Variants in CTTN observed in about 807,000 individuals in gnomAD.
CTTN encodes cortactin.
A neutral mutation model predicts 84.0 loss-of-function variants in CTTN; 28 were observed. The observed-to-expected ratio is 0.33, with a 90% CI of 0.25 to 0.46. The LOEUF (loss-of-function observed/expected upper bound fraction) is 0.46, where lower values mean the gene tolerates loss of function less well. CTTN is among the 20% of genes least tolerant of loss of function. CTTN has a pLI of 1.00. For synonymous variants in CTTN, 301 were observed against 288.8 expected, an observed-to-expected ratio of 1.04 and a Z score of -0.43; for missense variants, 641 against 723.8, an observed-to-expected ratio of 0.89 and a Z score of 1.31.
intron 16 of CTTN, 32 bp from the exon 17 acceptor site, chr11:70,433,610 CTTTGT>C: frequency 6.8e-7 from 1 of 1,468,706 alleles, no homozygotes; most frequent in African/African-American, 1.4e-5. Flanking sequence ...CTGTGTGGGA[CTTTGT>C]ATTGTTCAGC....
chr11:70,420,897 G>A (rs2058228650), intron 10 of CTTN, among the ~76,000 whole-genome samples: 1 of 152,220 alleles, frequency 6.6e-6, no homozygotes, highest in African/African-American at 2.4e-5. Flanking sequence ...GTGGGGACAT[G>A]GGCCAAGCCT....
chr11:70,400,640 GACAGCAC>G (rs1359822309), intron 1 of CTTN, among the ~76,000 whole-genome samples: 3 of 152,220 alleles, frequency 2.0e-5, no homozygotes, highest in African/African-American at 4.8e-5. Flanking sequence ...CTTTTAAAAT[GACAGCAC>G]ACATAATCGG....
intron 5 of CTTN, 108 bp from the exon 6 acceptor site, chr11:70,414,434 T>C: frequency 1.3e-6 from 1 of 741,382 alleles, no homozygotes; most frequent in Non-Finnish European, 2.3e-6. Context: ...TAATGTAAGG[T>C]TTCCCTGCAC....
intron 10 of CTTN, among the ~76,000 whole-genome samples, chr11:70,421,198 C>T (rs545237160): frequency 7.2e-5 from 11 of 152,270 alleles, no homozygotes; most frequent in African/African-American, 2.4e-4. Flanking sequence ...ACTGCACAGC[C>T]GGGAGTGCCT....
At chr11:70,421,354 G>A (rs2058234317) in intron 10 of CTTN, 116 bp from the exon 11 acceptor site, 1 of 784,690 alleles carries the variant, frequency 1.3e-6, no homozygotes, top group African/African-American at 1.7e-5. Context: ...CCTAAGCTCA[G>A]GAGAGCCCTT....
At chr11:70,419,964 T>A (rs2058211586) in intron 9 of CTTN, 108 bp downstream of exon 9, 10 of 795,626 alleles carry the variant, frequency 1.3e-5, no homozygotes, top group Non-Finnish European at 1.8e-5. Flanking sequence ...TTAACGTAGA[T>A]GTCTCTTTTT....
chr11:70,418,779 CTT>C (rs1222632596), intron 8 of CTTN, among the ~76,000 whole-genome samples: 15 of 140,852 alleles, frequency 1.1e-4, no homozygotes, highest in Admixed American at 2.1e-4. Flanking sequence ...TACTTTATTT[CTT>C]TTTTTTTTTT....
In CTTN at chr11:70,410,065, T is replaced by A. The variant is rs2275987; in HGVS notation, c.291+105T>A. 3.9e-6 allele frequency: 5 copies of A among 1,272,292 alleles called. No homozygotes were observed. In the East Asian group the frequency reaches 1.2e-4, roughly 30 times the overall value. 78.8% of individuals were successfully genotyped at this position (1,272,292 alleles called of 1,614,324 possible). ...CTTTCCTTAGATCAGCAGTTTTGAG[T>A]CCATCTGCTGAGGTTGCGATTTGCC... On this transcript the variant is annotated intron_variant, in intron 5 of 17. Coordinates refer to ENST00000301843, the MANE Select transcript of CTTN (RefSeq NM_005231.4).
At chr11:70,428,945 G>A (rs1349679860) in intron 13 of CTTN, 106 bp from the exon 14 acceptor site, 3 of 1,380,302 alleles carry the variant, frequency 2.2e-6, no homozygotes, top group African/African-American at 1.4e-5. Flanking sequence ...GGGGGTTAGG[G>A]GGATGACCGG....
At chr11:70,403,576 T>C (rs913691312) in intron 1 of CTTN, among the ~76,000 whole-genome samples, 5 of 152,224 alleles carry the variant, frequency 3.3e-5, no homozygotes, top group African/African-American at 1.2e-4. Flanking sequence ...ACAAAATTTT[T>C]AATTTTGTAC....
chr11:70,399,346 G>T (rs1475680618), intron 1 of CTTN, among the ~76,000 whole-genome samples: 4 of 150,630 alleles, frequency 2.7e-5, no homozygotes, highest in African/African-American at 9.8e-5. Flanking sequence ...GAGGGGAGGG[G>T]ATTGGGGCTC....
intron 8 of CTTN, among the ~76,000 whole-genome samples, chr11:70,419,390 G>A (rs553824061): frequency 7.9e-5 from 12 of 152,196 alleles, no homozygotes; most frequent in Middle Eastern, 3.4e-3. Context: ...GATTACAGGC[G>A]TGAGCCCCCT....
chr11:70,433,791 T>G, intron 17 of CTTN, 73 bp downstream of exon 17: 1 of 937,178 alleles, frequency 1.1e-6, no homozygotes, highest in Non-Finnish European at 1.8e-6. Context: ...TTTCTGAGAA[T>G]TCACTTCTCT....
At chr11:70,422,765 G>A (rs994111293) in intron 11 of CTTN, 175 bp from the exon 12 acceptor site, 7 of 1,460,460 alleles carry the variant, frequency 4.8e-6, no homozygotes, top group Non-Finnish European at 6.4e-6. Context: ...TGTGTCTCAC[G>A]ACCATGGGTG....
Position 70,429,090 on chromosome 11 carries a change from A to C in CTTN, c.1067A>C (p.Asn356Thr), listed in dbSNP as rs1416985206. 1.2e-6 allele frequency: 2 copies of C among 1,613,874 alleles called. No individual in the cohort carries two copies. Among genetic ancestry groups the C allele is most frequent in the Non-Finnish European group, 1.7e-6 (2 of 1,180,020 alleles). The change falls in exon 14 of 18, where the codon AAC becomes ACC. Residue 356 changes from asparagine to threonine, a missense_variant. By Grantham distance (65) the Asn-to-Thr change is moderately conservative. This residue lies in a region of CTTN where 289 missense variants were observed against 273.1 expected (regional missense o/e 1.06). Coordinates refer to ENST00000301843, the MANE Select transcript of CTTN (RefSeq NM_005231.4). ...AGTAACATCAGAGCTAACTTTGAAA[A>C]CCTCGCTAAGGAGAAAGAGCAGGAG... ...KTSNIRANFENLAKEKEQEDR... is the reference protein window; with the variant it reads ...KTSNIRANFETLAKEKEQEDR...
intron 5 of CTTN, 41 bp from the exon 6 acceptor site, chr11:70,414,501 G>A (rs367956438): frequency 1.4e-6 from 2 of 1,448,068 alleles, no homozygotes; most frequent in Admixed American, 1.7e-5. Flanking sequence ...GCGCCGCAGT[G>A]TTGTTGGTGT....
intron 8 of CTTN, among the ~76,000 whole-genome samples, chr11:70,418,752 C>G (rs1013268358): frequency 1.3e-5 from 2 of 151,872 alleles, no homozygotes; most frequent in African/African-American, 4.8e-5. Flanking sequence ...GATGATGTTA[C>G]AGGAATTCAT....
At position 70,407,325 on chromosome 11, in the gene CTTN, G is replaced by T; in HGVS notation, c.28G>T (p.Val10Leu). ...GTGGAAAGCTTCAGCAGGCCACGCTGTGTCCATCGCCCAGGATGACGCGGG... is the reference window on the plus strand; with the variant it reads ...GTGGAAAGCTTCAGCAGGCCACGCTTTGTCCATCGCCCAGGATGACGCGGG... MWKASAGHA[V>L]SIAQDDAGAD... The change falls in exon 3 of 18, where the codon GTG (valine) becomes TTG (leucine). Residue 10 changes from valine to leucine, a missense_variant. This residue lies in a region of CTTN where 284 missense variants were observed against 348.4 expected (regional missense o/e 0.82). Coordinates refer to ENST00000301843, the MANE Select transcript of CTTN (RefSeq NM_005231.4). The T allele has an allele frequency of 6.4e-7, 1 of 1,555,308 alleles. No homozygotes were observed. The highest frequency in any genetic ancestry group is 2.4e-5 in the East Asian group (1 of 41,148).
intron 13 of CTTN, among the ~76,000 whole-genome samples, chr11:70,425,826 T>G (rs2058294605): frequency 6.6e-6 from 1 of 152,230 alleles, no homozygotes; most frequent in Non-Finnish European, 1.5e-5. Flanking sequence ...TGCTCGTTCT[T>G]GGGCCCTTGA....
Sources: allele counts gnomAD v4.1 joint callset (sites outside exome capture counted in the v4.1 genomes callset), GRCh38; gene constraint gnomAD v4.1.1; regional missense constraint gnomAD v4.1.1; transcripts MANE v1.5; gene names NCBI Gene and HGNC (gene_info 2026-07-23, HGNC 2026-07-21).